The following PLCE1 variants were observed in gnomAD, a reference collection of about 807,000 sequenced individuals.
The protein encoded by PLCE1 is 1-phosphatidylinositol 4,5-bisphosphate phosphodiesterase epsilon-1.
Under a neutral mutation model 242.8 loss-of-function variants are expected in PLCE1, and 119 were observed. That is an observed-to-expected ratio of 0.49 (90% CI 0.42 to 0.57). The LOEUF is 0.57. Ranked by LOEUF, PLCE1 falls within the 20% of genes least tolerant of loss-of-function variation. PLCE1 has a pLI of 0.00. For missense variants in PLCE1, 2,441 were observed against 2,788.8 expected (o/e 0.88, Z 2.81); for synonymous variants, 945 against 1,017.4 (o/e 0.93, Z 1.35).
At chr10:94,016,596 G>A (rs1405299991) in intron 1 of PLCE1, among the ~76,000 whole-genome samples, 5 of 152,094 alleles carry the variant, frequency 3.3e-5, no homozygotes, top group Admixed American at 2.0e-4. Flanking sequence ...TGCTTAACCT[G>A]TGTTTTGTCT....
At position 94,293,503 on chromosome 10, in the gene PLCE1, A is replaced by G. The variant is rs760943489; in HGVS notation, c.5036-5A>G. On this transcript the variant is annotated splice_polypyrimidine_tract_variant and splice_region_variant and intron_variant, in intron 22 of 32. Coordinates refer to ENST00000371380, the MANE Select transcript of PLCE1 (RefSeq NM_016341.4). Reference sequence around the variant, plus strand: ...GGCTTATTTATTTTCATTTTATGGGAACAGGACTGTCAACTCTAAATGCAT... The same window carrying G: ...GGCTTATTTATTTTCATTTTATGGGGACAGGACTGTCAACTCTAAATGCAT... The G allele has an allele frequency of 1.2e-6, 2 of 1,613,270 alleles. No homozygotes were observed. The highest frequency in any genetic ancestry group is 2.2e-5 in the South Asian group (2 of 91,054).
At position 94,031,444 on chromosome 10, in the gene PLCE1, A is replaced by C; in HGVS notation, c.398A>C (p.Asp133Ala). 1 of 1,613,762 alleles carries C rather than the reference A, an allele frequency of 6.2e-7. No homozygotes were observed. Among genetic ancestry groups the C allele is most frequent in the Non-Finnish European group, 8.5e-7 (1 of 1,179,836 alleles). ...ATGTACAACTCTGTTGCTGAGGAAG[A>C]CTTGTGTTTAGAAACTGGAATTCCT... ...YEMYNSVAEEDLCLETGIPSP... is the reference protein window; with the variant it reads ...YEMYNSVAEEALCLETGIPSP... Residue 133 changes from aspartate to alanine, a missense_variant, in exon 2 of 33, where the codon GAC (aspartate) becomes GCC (alanine). Coordinates refer to ENST00000371380, the MANE Select transcript of PLCE1 (RefSeq NM_016341.4).
chr10:94,312,063 A>G (rs1423306140), intron 27 of PLCE1, among the ~76,000 whole-genome samples: 2 of 152,186 alleles, frequency 1.3e-5, no homozygotes, highest in African/African-American at 4.8e-5. Flanking sequence ...TTTCAAGAGA[A>G]TCAGGACATC....
At chr10:94,124,857 G>A (rs2046395163) in intron 2 of PLCE1, among the ~76,000 whole-genome samples, 1 of 152,182 alleles carries the variant, frequency 6.6e-6, no homozygotes, top group African/African-American at 2.4e-5. Flanking sequence ...ACTGTTGGTG[G>A]ATTTATCAGA....
At chr10:94,067,746 G>C (rs1390513293) in intron 2 of PLCE1, among the ~76,000 whole-genome samples, 2 of 152,162 alleles carry the variant, frequency 1.3e-5, no homozygotes, top group Admixed American at 1.3e-4. Context: ...CAAGTGGCAG[G>C]AAAGTACAGA....
At chr10:94,177,972 A>G (rs533920143) in intron 4 of PLCE1, among the ~76,000 whole-genome samples, 46 of 152,228 alleles carry the variant, frequency 3.0e-4, no homozygotes, top group African/African-American at 1.0e-3. Flanking sequence ...CACAGTTCTG[A>G]GTTGCTAGTT....
Position 94,316,687 on chromosome 10 carries a change from G to A in PLCE1, c.6273G>A (p.Met2091Ile), listed in dbSNP as rs2053586671. The A allele has an allele frequency of 6.2e-7, 1 of 1,613,906 alleles. No individual in the cohort carries two copies. The highest frequency in any genetic ancestry group is 1.3e-5 in the African/African-American group (1 of 74,926). ...QRAIGPEEEI[M>I]QILSSWFPEE... ...CCATTGGTCCAGAAGAGGAGATCAT[G>A]CAAATTTTAAGCAGCTGGTTTCCAG... Residue 2091 changes from methionine to isoleucine, a missense_variant, in exon 29 of 33, where the codon ATG becomes ATA. Around this residue, in one of 5 missense-constraint regions of PLCE1, gnomAD observed 310 missense variants for 317.2 expected, o/e 0.98. Coordinates refer to ENST00000371380, the MANE Select transcript of PLCE1 (RefSeq NM_016341.4).
At chr10:94,230,087 T>G (rs555532067) in intron 5 of PLCE1, among the ~76,000 whole-genome samples, 1 of 152,310 alleles carries the variant, frequency 6.6e-6, no homozygotes, top group Non-Finnish European at 1.5e-5. Context: ...AAAGCATACT[T>G]ATTAAGTGAC....
chr10:94,131,391 C>A (rs566944997), intron 2 of PLCE1, among the ~76,000 whole-genome samples: 69 of 152,338 alleles, frequency 4.5e-4, no homozygotes, highest in African/African-American at 1.5e-3. Context: ...CATCTTCCAA[C>A]ACACTGCCTT....
chr10:94,210,498 T>C (rs1177374199), intron 4 of PLCE1, among the ~76,000 whole-genome samples: 1 of 152,188 alleles, frequency 6.6e-6, no homozygotes, highest in Non-Finnish European at 1.5e-5. Flanking sequence ...AACTTGAGCT[T>C]GCTCACCAAA....
At chr10:94,074,912 T>C (rs893207079) in intron 2 of PLCE1, among the ~76,000 whole-genome samples, 2 of 152,222 alleles carry the variant, frequency 1.3e-5, no homozygotes, top group East Asian at 3.9e-4. Context: ...CAATCAATTA[T>C]AGTCCTCTCC....
chr10:94,324,677 G>T, intron 31 of PLCE1, 110 bp downstream of exon 31: 1 of 1,054,930 alleles, frequency 9.5e-7, no homozygotes, highest in Non-Finnish European at 1.5e-6. Flanking sequence ...CTGAGTCAAG[G>T]AATGGAGTTA....
chr10:94,279,638 T>C (rs2052118317), intron 19 of PLCE1, 144 bp from the exon 20 acceptor site: 2 of 821,064 alleles, frequency 2.4e-6, no homozygotes, highest in Non-Finnish European at 4.1e-6. Flanking sequence ...CGAGGGAATC[T>C]AGATTTTTTT....
intron 11 of PLCE1, among the ~76,000 whole-genome samples, chr10:94,256,901 G>GACA: frequency 6.6e-6 from 1 of 152,162 alleles, no homozygotes; most frequent in East Asian, 1.9e-4. Context: ...GGGAAGAGTG[G>GACA]ACAAACAGAG....
intron 9 of PLCE1, among the ~76,000 whole-genome samples, chr10:94,253,359 T>C (rs934712170): frequency 2.0e-5 from 3 of 151,940 alleles, no homozygotes; most frequent in African/African-American, 7.3e-5. Flanking sequence ...CCACACACTT[T>C]TTTTTTCTCT....
chr10:94,034,413 C>T (rs1053288133), intron 2 of PLCE1, among the ~76,000 whole-genome samples: 1 of 152,166 alleles, frequency 6.6e-6, no homozygotes, highest in Non-Finnish European at 1.5e-5. Flanking sequence ...ATAATTAACA[C>T]TTTTATTGCT....
Position 94,188,075 on chromosome 10 carries a change from C to G in PLCE1, c.1809+16579C>G, listed in dbSNP as rs577201139. Among the ~76,000 whole-genome samples the G allele has an allele frequency of 2.0e-5, 3 of 152,242 alleles. No individual in the cohort carries two copies. In the South Asian group the frequency reaches 6.2e-4, roughly 32 times the overall value. ...TCCCTTAAATCACATCCTCCCACCC[C>G]CCAGCACCATAATTCATGTTATAGT... is the stretch of plus-strand genomic sequence containing the variant. On this transcript the variant is annotated intron_variant, in intron 4 of 32. Coordinates refer to ENST00000371380, the MANE Select transcript of PLCE1 (RefSeq NM_016341.4).
In PLCE1 at chr10:94,254,256, C is replaced by T. The variant is rs121912602; in HGVS notation, c.3346C>T (p.Arg1116Ter). The change falls in exon 10 of 33, where the codon CGA becomes TGA. Residue 1116 changes from arginine to a stop codon, truncating the protein, a stop_gained. Coordinates refer to ENST00000371380, the MANE Select transcript of PLCE1 (RefSeq NM_016341.4). LOFTEE classifies it high-confidence loss of function. ...TRKAKMHKEC[R>*]SRSGSDPQDI... ...AAAGGCCAAGATGCACAAAGAGTGT[C>T]GAAGCCGGAGTGGTTCTGATCCTCA... 3.1e-6 allele frequency: 5 copies of T among 1,613,780 alleles called. No individual in the cohort carries two copies. Among genetic ancestry groups the T allele is most frequent in the Admixed American group, 1.7e-5 (1 of 59,962 alleles).
In PLCE1 at chr10:94,171,171, T is replaced by G. The variant is rs756338063; in HGVS notation, c.1493-9T>G. On this transcript the variant is annotated splice_polypyrimidine_tract_variant and intron_variant, in intron 3 of 32. Transcript: ENST00000371380. ...TGATGTAACCACGACTTCTGTTGCTTTGTTTTAGAACGCCAGCCAGGCCCC... is the reference window on the plus strand; with the variant it reads ...TGATGTAACCACGACTTCTGTTGCTGTGTTTTAGAACGCCAGCCAGGCCCC... The G allele has an allele frequency of 6.2e-7, 1 of 1,613,528 alleles. No individual in the cohort carries two copies. The highest frequency in any genetic ancestry group is 1.1e-5 in the South Asian group (1 of 91,074).
Sources: gnomAD v4.1 joint callset for allele counts (sites outside exome capture counted in the v4.1 genomes callset) on GRCh38, gnomAD v4.1.1 for gene constraint, gnomAD v4.1.1 regional missense constraint, MANE v1.5 for transcripts, NCBI Gene and HGNC (gene_info 2026-07-23, HGNC 2026-07-21) for gene names.